The following SEPTIN9 variants were observed in gnomAD, a reference collection of about 807,000 sequenced individuals.
SEPTIN9 encodes the protein septin 9.
SEPTIN9 carries 13 observed loss-of-function variants against 56.6 expected under a neutral mutation model. That is an observed-to-expected ratio of 0.23 (90% confidence interval 0.15 to 0.37). SEPTIN9 has a LOEUF of 0.37. Ranked by LOEUF, SEPTIN9 falls within the 10% of genes least tolerant of loss-of-function variation. The pLI is 1.00. For synonymous variants in SEPTIN9, 332 were observed against 334.1 expected, an observed-to-expected ratio of 0.99 and a Z score of 0.07; for missense variants, 650 against 823.1, an observed-to-expected ratio of 0.79 and a Z score of 2.57.
At chr17:77,351,228 A>C (rs866593559) in intron 2 of SEPTIN9, among the ~76,000 whole-genome samples, 90 of 144,660 alleles carry the variant, frequency 6.2e-4, no homozygotes, top group African/African-American at 2.1e-3. Flanking sequence ...GCGTGCACAC[A>C]ACACACACAC....
rs1279963615 is a variant in SEPTIN9 at position 77,493,048 on chromosome 17, G to A, written c.1545G>A (p.Gly515=). The change falls in exon 10 of 12, where the codon GGG becomes GGA. Residue 515 remains glycine (G), a synonymous_variant. Coordinates refer to ENST00000427177, the MANE Select transcript of SEPTIN9 (RefSeq NM_001113491.2). ...EYQVNGKRIL[G]RKTKWGTIEV... ...AGGTCAACGGCAAGAGGATCCTTGG[G>A]AGGAAGACCAAGTGGGGTACCATCG... is the stretch of plus-strand genomic sequence containing the variant. 1.3e-6 allele frequency: 2 copies of A among 1,563,666 alleles called. No homozygotes were observed. The highest frequency in any genetic ancestry group is 2.4e-5 in the South Asian group (2 of 84,744).
intron 3 of SEPTIN9, among the ~76,000 whole-genome samples, chr17:77,474,242 T>C (rs1278459936): frequency 6.6e-6 from 1 of 152,220 alleles, no homozygotes; most frequent in Non-Finnish European, 1.5e-5. Flanking sequence ...CAGCTCTGCC[T>C]CTTTATTTTG....
At position 77,318,070 on chromosome 17, in the gene SEPTIN9, A is replaced by AAATAAAATAC. The variant is rs2032772586; in HGVS notation, c.76+10878_76+10879insAATACAATAA. The stretch of plus-strand genomic sequence containing the variant: ...TGTCTCAATAAAATAAAATAAAATA[A>AAATAAAATAC]AATAATAAATATAATACACTTGAAT... On this transcript the variant is annotated intron_variant, in intron 2 of 11. Transcript: ENST00000427177. The surrounding 1 kb of genome is among the most constrained non-coding windows in gnomAD (Gnocchi z 4.9). 6.6e-6 allele frequency among the ~76,000 whole-genome samples: 1 copy of AAATAAAATAC among 151,846 alleles called. No individual in the cohort carries two copies. The highest frequency in any genetic ancestry group is 6.6e-5 in the Admixed American group (1 of 15,234).
chr17:77,318,882 G>A lies in SEPTIN9; in HGVS notation c.76+11685G>A, dbSNP rs748744768. 6.6e-5 allele frequency among the ~76,000 whole-genome samples: 10 copies of A among 152,206 alleles called. No individual in the cohort carries two copies. The highest frequency in any genetic ancestry group is 1.7e-4 in the African/African-American group (7 of 41,438). ...AGGGATTGTAAACTCAGAGGCCTGCGGGGTGTGTCGAGGTAGAGGGGTGCA... is the reference window on the plus strand; with the variant it reads ...AGGGATTGTAAACTCAGAGGCCTGCAGGGTGTGTCGAGGTAGAGGGGTGCA... On this transcript the variant is annotated intron_variant, in intron 2 of 11. Transcript: ENST00000427177. This position sits in a 1 kb window ranked among gnomAD's most constrained non-coding sequence, Gnocchi z 4.9.
chr17:77,458,824 G>A (rs2038332540), intron 3 of SEPTIN9, among the ~76,000 whole-genome samples: 1 of 152,230 alleles, frequency 6.6e-6, no homozygotes, highest in Admixed American at 6.5e-5. Context: ...CCAGGAAGGT[G>A]GAGACTGCAA....
Position 77,433,587 on chromosome 17 carries a change from C to T in SEPTIN9, c.721+30884C>T, listed in dbSNP as rs2037229924. Among the ~76,000 whole-genome samples the T allele has an allele frequency of 6.6e-6, 1 of 152,196 alleles. No homozygotes were observed. The highest frequency in any genetic ancestry group is 1.5e-5 in the Non-Finnish European group (1 of 68,022). On this transcript the variant is annotated intron_variant, in intron 3 of 11. Coordinates refer to ENST00000427177, the MANE Select transcript of SEPTIN9 (RefSeq NM_001113491.2). This position sits in a 1 kb window ranked among gnomAD's most constrained non-coding sequence, Gnocchi z 6.4. ...CCGGAAATAGCAGCATCGTCCCCCT[C>T]ACTGTCCTGGCTTGCTTTCAATAGG...
intron 11 of SEPTIN9, 113 bp from the exon 12 acceptor site, chr17:77,498,397 CGGGATGGGGAGTG>C (rs1568126845): frequency 3.1e-6 from 2 of 653,784 alleles, no homozygotes; most frequent in African/African-American, 3.9e-5. Flanking sequence ...GCCAAGCAGT[CGGGATGGGGAGTG>C]GGGGTGGGGG....
chr17:77,361,699 C>G (rs1228341034), intron 2 of SEPTIN9, among the ~76,000 whole-genome samples: 4 of 151,556 alleles, frequency 2.6e-5, no homozygotes, highest in Admixed American at 6.6e-5. Flanking sequence ...GTGGCGCTAT[C>G]TCGGCTCACT....
At chr17:77,457,874 G>A (rs867681589) in intron 3 of SEPTIN9, among the ~76,000 whole-genome samples, 4 of 152,206 alleles carry the variant, frequency 2.6e-5, no homozygotes, top group Admixed American at 6.5e-5. Context: ...TTCTTAGAGG[G>A]TGAATAAGCC....
intron 2 of SEPTIN9, among the ~76,000 whole-genome samples, chr17:77,383,619 G>C (rs1471771823): frequency 1.3e-5 from 2 of 152,244 alleles, no homozygotes; most frequent in African/African-American, 4.8e-5. Flanking sequence ...CAGCCTGGCT[G>C]CTCTTCCACT....
intron 3 of SEPTIN9, among the ~76,000 whole-genome samples, chr17:77,407,458 C>G (rs1195914739): frequency 1.3e-5 from 2 of 151,830 alleles, no homozygotes; most frequent in Non-Finnish European, 1.5e-5. Flanking sequence ...CCCTAGAGAC[C>G]AAGCAGAAAC....
intron 3 of SEPTIN9, among the ~76,000 whole-genome samples, chr17:77,427,458 G>A (rs1438212417): frequency 2.0e-5 from 3 of 152,206 alleles, no homozygotes; most frequent in South Asian, 2.1e-4. Context: ...TCCCTTCACT[G>A]TGGGAGATGC....
At chr17:77,325,224 C>T (rs1366056035) in intron 2 of SEPTIN9, among the ~76,000 whole-genome samples, 2 of 152,184 alleles carry the variant, frequency 1.3e-5, no homozygotes, top group South Asian at 4.1e-4. Context: ...CCAAATGCAA[C>T]GTCAGGAAGC....
At chr17:77,442,809 G>C (rs149768146) in intron 3 of SEPTIN9, among the ~76,000 whole-genome samples, 262 of 152,158 alleles carry the variant, frequency 1.7e-3, no homozygotes, top group African/African-American at 5.9e-3. Flanking sequence ...CGAGGCGGAG[G>C]TTGCAGTGAG....
chr17:77,497,088 C>G, intron 10 of SEPTIN9: 1 of 622,084 alleles, frequency 1.6e-6, no homozygotes, highest in South Asian at 1.8e-5. Context: ...GCTGAGCTGT[C>G]CAGGAGCAGG....
chr17:77,454,052 C>T (rs1323274492), intron 3 of SEPTIN9: 11 of 985,230 alleles, frequency 1.1e-5, no homozygotes, highest in African/African-American at 1.7e-5. Flanking sequence ...TCTCCCTGGC[C>T]GGGAGTGTGG....
In SEPTIN9 at chr17:77,453,201, G is replaced by A. The variant is rs2038053727; in HGVS notation, c.722-28943G>A. ...TGGGGGGTGGCGTGGGGCACTCTGG[G>A]ATGAGAAGATGCGACTTCTGCCCTG... is the stretch of plus-strand genomic sequence containing the variant. On this transcript the variant is annotated intron_variant, in intron 3 of 11. Coordinates refer to ENST00000427177, the MANE Select transcript of SEPTIN9 (RefSeq NM_001113491.2). The surrounding 1 kb of genome is among the most constrained non-coding windows in gnomAD (Gnocchi z 4.4). Among the ~76,000 whole-genome samples, 1 of 152,174 alleles carries A rather than the reference G, an allele frequency of 6.6e-6. No individual in the cohort carries two copies. Among genetic ancestry groups the A allele is most frequent in the Admixed American group, 6.5e-5 (1 of 15,284 alleles).
intron 3 of SEPTIN9, among the ~76,000 whole-genome samples, chr17:77,403,313 G>A (rs1040039808): frequency 6.6e-6 from 1 of 152,230 alleles, no homozygotes; most frequent in Non-Finnish European, 1.5e-5. Context: ...TAGCCTGCAG[G>A]ACAAAATTCT....
intron 3 of SEPTIN9, chr17:77,428,844 A>G (rs2037014261): frequency 2.6e-6 from 1 of 385,968 alleles, no homozygotes; most frequent in African/African-American, 2.1e-5. Context: ...AGAGCCACCC[A>G]TGGGTTCAGA....
Sources: gnomAD v4.1 joint callset for allele counts (sites outside exome capture counted in the v4.1 genomes callset) on GRCh38, gnomAD v4.1.1 for gene constraint, Gnocchi (gnomAD v3.1) non-coding constraint, MANE v1.5 for transcripts, NCBI Gene and HGNC (gene_info 2026-07-23, HGNC 2026-07-21) for gene names.